Variants in DDX60 observed in about 807,000 individuals in gnomAD.
DDX60 encodes the protein probable ATP-dependent RNA helicase DDX60.
In DDX60, 165 loss-of-function variants were observed where a neutral mutation model predicts 212.8. The observed-to-expected ratio is 0.78, with a 90% CI of 0.68 to 0.88. DDX60 has a LOEUF of 0.88. DDX60 is among the 40% of genes least tolerant of loss of function. DDX60 has a pLI of 0.00. For missense variants in DDX60, 1,905 were observed against 2,003.9 expected (o/e 0.95, Z 0.94); for synonymous variants, 703 against 685.3 (o/e 1.03, Z -0.40).
chr4:168,303,735 G>A (rs1028131758), intron 5 of DDX60, among the ~76,000 whole-genome samples: 2 of 152,186 alleles, frequency 1.3e-5, no homozygotes, highest in Admixed American at 1.3e-4. Flanking sequence ...TGTAATCCCA[G>A]CACTTTGGGA....
At chr4:168,252,993 C>T (rs1364175134) in intron 26 of DDX60, among the ~76,000 whole-genome samples, 3 of 152,016 alleles carry the variant, frequency 2.0e-5, no homozygotes, top group East Asian at 3.9e-4. Context: ...TCAGTAGAGA[C>T]GGGGTTTCAC....
At chr4:168,267,081 C>T (rs1734878269) in intron 22 of DDX60, among the ~76,000 whole-genome samples, 1 of 152,096 alleles carries the variant, frequency 6.6e-6, no homozygotes, top group Non-Finnish European at 1.5e-5. Flanking sequence ...AATCTTTCCC[C>T]ACTCACACCC....
chr4:168,239,273 A>C (rs1045714422), intron 30 of DDX60, among the ~76,000 whole-genome samples: 1 of 152,226 alleles, frequency 6.6e-6, no homozygotes, highest in Non-Finnish European at 1.5e-5. Flanking sequence ...ATAGGTAGAT[A>C]GATGATTGAT....
chr4:168,321,691 T>C (rs1441322094), upstream of DDX60, among the ~76,000 whole-genome samples: 1 of 152,160 alleles, frequency 6.6e-6, no homozygotes, highest in East Asian at 1.9e-4. Flanking sequence ...GCATGCCACT[T>C]ACACACAACA....
Position 168,280,349 on chromosome 4 carries a change from C to CAATGT in DDX60, c.1959_1963dup (p.Cys655TyrfsTer14). The CAATGT allele has an allele frequency of 6.2e-7, 1 of 1,611,764 alleles. No homozygotes were observed. The highest frequency in any genetic ancestry group is 8.5e-7 in the Non-Finnish European group (1 of 1,179,056). On this transcript the variant is annotated frameshift_variant, in exon 14 of 38. Coordinates refer to ENST00000393743, the MANE Select transcript of DDX60 (RefSeq NM_017631.6). LOFTEE classifies it high-confidence loss of function. ...GAATTACATACCTTCTTCACTTCGG[C>CAATGT]AATGTTCTTTCCAGGCTTTCAAGCA...
At chr4:168,285,687 A>G (rs1417385876) in intron 10 of DDX60, among the ~76,000 whole-genome samples, 189 bp from the exon 11 acceptor site, 4 of 151,362 alleles carry the variant, frequency 2.6e-5, no homozygotes, top group Non-Finnish European at 5.9e-5. Flanking sequence ...GTAGAGTATA[A>G]AGAATCAGAC....
intron 6 of DDX60, among the ~76,000 whole-genome samples, chr4:168,295,801 T>C (rs1027090784): frequency 2.0e-5 from 3 of 152,158 alleles, no homozygotes; most frequent in Non-Finnish European, 4.4e-5. Context: ...GAGGTATATA[T>C]ACACAATGGA....
At chr4:168,307,141 A>G (rs964302548) in intron 4 of DDX60, among the ~76,000 whole-genome samples, 2 of 152,216 alleles carry the variant, frequency 1.3e-5, no homozygotes, top group African/African-American at 4.8e-5. Context: ...TTGTCTCGGC[A>G]TAACAAAATT....
rs759871221 is a variant in DDX60, at chr4:168,248,248, A to G, written c.3903T>C (p.Pro1301=). 6.2e-7 allele frequency: 1 copy of G among 1,610,692 alleles called. No homozygotes were observed. The highest frequency in any genetic ancestry group is 8.5e-7 in the Non-Finnish European group (1 of 1,178,872). ...TTTGAGCAAAAACCACAGATTTACAAGGCATGTTGACACCTAAAGCAAGTG... is the reference window on the plus strand; with the variant it reads ...TTTGAGCAAAAACCACAGATTTACAGGGCATGTTGACACCTAAAGCAAGTG... ...TGTLALGVNM[P]CKSVVFAQNS... is the part of the protein sequence containing the mutation. Residue 1301 remains proline (P), a synonymous_variant, in exon 29 of 38, where the codon CCT becomes CCC. Transcript: ENST00000393743.
chr4:168,277,994 ACTTAGTAGCCAC>A (rs1480289090), intron 14 of DDX60, among the ~76,000 whole-genome samples: 9 of 152,006 alleles, frequency 5.9e-5, no homozygotes, highest in Non-Finnish European at 1.3e-4. Context: ...CCCATTAGTT[ACTTAGTAGCCAC>A]CTTGATGATC....
In DDX60 at chr4:168,311,332, C is replaced by T; in HGVS notation, c.-73G>A. 6.6e-7 allele frequency: 1 copy of T among 1,512,490 alleles called. No individual in the cohort carries two copies. Among genetic ancestry groups the T allele is most frequent in the Non-Finnish European group, 9.1e-7 (1 of 1,103,490 alleles). The allele number at this position is 1,512,490 out of a possible 1,614,324, so 93.7% of individuals were successfully genotyped here. ...TAGCAAATACCCTTTATTTTGGTAC[C>T]TCTAAGTGGCAGTTCTTAATGAAAA... On this transcript the variant is annotated 5_prime_UTR_variant, in exon 2 of 38. Transcript: ENST00000393743.
At chr4:168,225,349 C>G (rs1460698731) in intron 34 of DDX60, among the ~76,000 whole-genome samples, 180 bp downstream of exon 34, 1 of 152,044 alleles carries the variant, frequency 6.6e-6, no homozygotes, top group Non-Finnish European at 1.5e-5. Context: ...CTTAGTTTGT[C>G]TCTTTTGCCC....
chr4:168,262,681 A>C lies in DDX60; in HGVS notation c.3144+2T>G. On this transcript the variant is annotated splice_donor_variant, in intron 23 of 37. Transcript: ENST00000393743. LOFTEE classifies it high-confidence loss of function. Reference sequence around the variant, plus strand: ...AGGATTAATTACATCATTATTATTTACCTGGGCCCGAGGCCAACTTTTCCA... The same window carrying C: ...AGGATTAATTACATCATTATTATTTCCCTGGGCCCGAGGCCAACTTTTCCA... 1 of 1,588,934 alleles carries C rather than the reference A, an allele frequency of 6.3e-7. No homozygotes were observed. The highest frequency in any genetic ancestry group is 8.6e-7 in the Non-Finnish European group (1 of 1,158,380).
intron 13 of DDX60, among the ~76,000 whole-genome samples, chr4:168,281,761 C>T (rs1735604224): frequency 6.6e-6 from 1 of 152,084 alleles, no homozygotes; most frequent in Admixed American, 6.6e-5. Context: ...AAATGCCTGC[C>T]TATAATGAAG....
At chr4:168,219,548 T>A (rs1034182797) in intron 37 of DDX60, among the ~76,000 whole-genome samples, 2 of 152,152 alleles carry the variant, frequency 1.3e-5, no homozygotes, top group African/African-American at 2.4e-5. Flanking sequence ...AGTTTCCTTC[T>A]GCTCCCAAAA....
At chr4:168,271,644 A>G (rs565824) in intron 19 of DDX60, among the ~76,000 whole-genome samples, 11,298 of 152,288 alleles carry the variant, frequency 0.074, 755 homozygotes, top group African/African-American at 0.16. Context: ...GTGTCATTTA[A>G]TTATCTGTTG....
At chr4:168,294,028 T>G (rs955612724) in intron 6 of DDX60, 83 bp from the exon 7 acceptor site, 1 of 1,261,104 alleles carries the variant, frequency 7.9e-7, no homozygotes, top group African/African-American at 1.5e-5. Flanking sequence ...TGGGTACTAC[T>G]AGGCTTAATA....
chr4:168,297,374 GAAAGAA>G (rs1736438304), intron 6 of DDX60, among the ~76,000 whole-genome samples: 4 of 54,670 alleles, frequency 7.3e-5, no homozygotes, highest in Non-Finnish European at 1.4e-4. Context: ...AAGAAAGAAA[GAAAGAA>G]AGAGAAAGAA....
rs2149549622 is a variant in DDX60, at chr4:168,306,381, T to C, written c.604A>G (p.Lys202Glu). The C allele has an allele frequency of 6.3e-7, 1 of 1,587,274 alleles. No homozygotes were observed. The change falls in exon 5 of 38, where the codon AAG (lysine) becomes GAG (glutamate). Residue 202 changes from lysine (K) to glutamate (E), a missense_variant and splice_region_variant. Lys to Glu is a moderately conservative substitution (Grantham distance 56). Transcript: ENST00000393743. ...ATTGTCTTTTGGATGTGAATTACCT[T>C]CCAGGAAAAAATCTGGTGTCTGTAC... The part of the protein sequence containing the change: ...SMYRHQIFSW[K>E]NKQNIKDAYT...
Sources: gnomAD v4.1 joint callset for allele counts (sites outside exome capture counted in the v4.1 genomes callset) on GRCh38, gnomAD v4.1.1 for gene constraint, MANE v1.5 for transcripts, NCBI Gene and HGNC (gene_info 2026-07-23, HGNC 2026-07-21) for gene names.